Variants in MBD5 observed in about 807,000 individuals in gnomAD.
MBD5 encodes methyl-CpG binding domain protein 5, also known as methyl-CpG-binding domain protein 5.
A neutral mutation model predicts 117.3 loss-of-function variants in MBD5; 13 were observed. That is an observed-to-expected ratio of 0.11 (90% CI 0.07 to 0.18). MBD5 has a LOEUF of 0.18. Ranked by LOEUF, MBD5 falls within the 10% of genes least tolerant of loss-of-function variation. The pLI is 1.00. For missense variants in MBD5, 1,879 were observed against 2,093.8 expected (o/e 0.90, Z 2.00); for synonymous variants, 727 against 766.4 (o/e 0.95, Z 0.85).
intron 3 of MBD5, among the ~76,000 whole-genome samples, chr2:148,262,139 G>C (rs1461936833): frequency 2.0e-5 from 3 of 150,618 alleles, no homozygotes; most frequent in Non-Finnish European, 1.5e-5. Flanking sequence ...GAGACATGAA[G>C]TGAGCACATG....
At chr2:148,219,016 T>C (rs1415865205) in intron 2 of MBD5, among the ~76,000 whole-genome samples, 1 of 152,264 alleles carries the variant, frequency 6.6e-6, no homozygotes, top group Non-Finnish European at 1.5e-5. Context: ...ACTTTTACTT[T>C]ATAAACTTTA....
At chr2:148,201,659 G>T (rs1230372784) in intron 2 of MBD5, among the ~76,000 whole-genome samples, 2 of 152,168 alleles carry the variant, frequency 1.3e-5, no homozygotes, top group Non-Finnish European at 2.9e-5. Context: ...ATGAGGTTAT[G>T]CTGACAATCA....
intron 2 of MBD5, among the ~76,000 whole-genome samples, chr2:148,225,005 T>C (rs1699786964): frequency 6.6e-6 from 1 of 152,186 alleles, no homozygotes; most frequent in Admixed American, 6.6e-5. Context: ...GTCTTGTCTT[T>C]TTTTTGTATC....
chr2:148,206,204 A>G (rs554890064), intron 2 of MBD5, among the ~76,000 whole-genome samples: 2 of 152,272 alleles, frequency 1.3e-5, no homozygotes, highest in Admixed American at 1.3e-4. Flanking sequence ...ATATATGTAT[A>G]CAGAGAGAAA....
chr2:148,310,312 C>G (rs1435120143), intron 3 of MBD5, among the ~76,000 whole-genome samples: 1 of 152,138 alleles, frequency 6.6e-6, no homozygotes, highest in African/African-American at 2.4e-5. Context: ...ATTACTGCCT[C>G]AATTTCAGAA....
chr2:148,035,664 T>C (rs1694175951), intron 1 of MBD5, among the ~76,000 whole-genome samples: 1 of 152,214 alleles, frequency 6.6e-6, no homozygotes, highest in Admixed American at 6.6e-5. Context: ...TTGTCTTTGT[T>C]TCCTCACATT....
Position 148,463,756 on chromosome 2 carries a change from T to C in MBD5, c.234T>C (p.Pro78=). The change falls in exon 7 of 14, where the codon CCT becomes CCC. Residue 78 remains proline, a synonymous_variant. Transcript: ENST00000642680. ...LILPKVFNFD[P]GAAVKQRTAE... ...TTTTCCAGGTATTTAATTTTGATCC[T>C]GGAGCTGCTGTGAAACAGAGAACCG... The C allele has an allele frequency of 6.2e-7, 1 of 1,613,740 alleles. No homozygotes were observed. Among genetic ancestry groups the C allele is most frequent in the South Asian group, 1.1e-5 (1 of 91,076 alleles).
chr2:148,283,946 C>T (rs1206571803), intron 3 of MBD5, among the ~76,000 whole-genome samples: 1 of 152,186 alleles, frequency 6.6e-6, no homozygotes, highest in African/African-American at 2.4e-5. Context: ...TTACCCTGTT[C>T]TGCCCCTGCT....
intron 1 of MBD5, among the ~76,000 whole-genome samples, chr2:148,177,151 G>A (rs888490181): frequency 1.3e-5 from 2 of 152,102 alleles, no homozygotes; most frequent in African/African-American, 4.8e-5. Context: ...TGGGTCTCAG[G>A]ATTATCTTTA....
chr2:148,468,531 T>C lies in MBD5; in HGVS notation c.588T>C (p.Pro196=), dbSNP rs373675091. 77 of 1,613,806 alleles carry C rather than the reference T, an allele frequency of 4.8e-5. No individual in the cohort carries two copies. Among genetic ancestry groups the C allele is most frequent in the Non-Finnish European group, 6.4e-5 (75 of 1,179,896 alleles). Residue 196 remains proline (P), a synonymous_variant, in exon 8 of 14, where the codon CCT becomes CCC. Coordinates refer to ENST00000642680, the MANE Select transcript of MBD5 (RefSeq NM_001378120.1). The part of the protein sequence containing the change: ...LPGSQQQELH[P]VYPRQRLGSS... ...GAAGCCAACAACAAGAACTCCACCC[T>C]GTCTACCCCCGACAGAGATTGGGCA...
chr2:148,105,578 C>T (rs1696349335), intron 1 of MBD5, among the ~76,000 whole-genome samples: 1 of 152,086 alleles, frequency 6.6e-6, no homozygotes, highest in East Asian at 1.9e-4. Flanking sequence ...TTCCTTGTTC[C>T]TTACTGCTTT....
intron 4 of MBD5, among the ~76,000 whole-genome samples, chr2:148,352,438 T>C (rs936960280): frequency 4.6e-5 from 7 of 152,048 alleles, no homozygotes. Context: ...AACAAGTTAG[T>C]GACATTGATA....
At chr2:148,064,419 C>T (rs1217223147) in intron 1 of MBD5, among the ~76,000 whole-genome samples, 1 of 152,046 alleles carries the variant, frequency 6.6e-6, no homozygotes, top group Non-Finnish European at 1.5e-5. Context: ...CCGGCCCCCA[C>T]CAGCTGTCTT....
At chr2:148,022,602 T>G (rs1693786618) in intron 1 of MBD5, among the ~76,000 whole-genome samples, 1 of 152,196 alleles carries the variant, frequency 6.6e-6, no homozygotes, top group Admixed American at 6.5e-5. Context: ...ATCAATAGTT[T>G]GCTGGATTGG....
chr2:148,336,276 A>G (rs993926165), intron 3 of MBD5, among the ~76,000 whole-genome samples: 1 of 152,192 alleles, frequency 6.6e-6, no homozygotes, highest in East Asian at 1.9e-4. Context: ...CCCACCAATA[A>G]CATTTCCACA....
chr2:148,448,828 G>A (rs1312399533), intron 4 of MBD5, among the ~76,000 whole-genome samples: 1 of 151,992 alleles, frequency 6.6e-6, no homozygotes, highest in African/African-American at 2.4e-5. Flanking sequence ...GCTGCATCCT[G>A]AGTAGACAAA....
At chr2:148,035,313 T>C (rs1694161385) in intron 1 of MBD5, among the ~76,000 whole-genome samples, 1 of 152,088 alleles carries the variant, frequency 6.6e-6, no homozygotes, top group Admixed American at 6.6e-5. Flanking sequence ...GAAAATGAAA[T>C]TATATTACTA....
intron 1 of MBD5, among the ~76,000 whole-genome samples, chr2:148,115,940 C>T (rs796333184): frequency 2.0e-5 from 3 of 152,054 alleles, no homozygotes; most frequent in Admixed American, 6.6e-5. Context: ...CCTCCCCAGG[C>T]TCAGGTGATC....
chr2:148,197,086 T>C (rs974583654), intron 2 of MBD5, among the ~76,000 whole-genome samples: 2 of 152,122 alleles, frequency 1.3e-5, no homozygotes, highest in Non-Finnish European at 2.9e-5. Context: ...CTCCTGAAAT[T>C]TGGCTTCTTT....
Sources: allele counts gnomAD v4.1 joint callset (sites outside exome capture counted in the v4.1 genomes callset), GRCh38; gene constraint gnomAD v4.1.1; transcripts MANE v1.5; gene names NCBI Gene and HGNC (gene_info 2026-07-23, HGNC 2026-07-21).